Variants in ADH4 observed in about 807,000 individuals in gnomAD.
ADH4 encodes all-trans-retinol dehydrogenase [NAD(+)] ADH4.
A neutral mutation model predicts 35.2 loss-of-function variants in ADH4; 31 were observed. The observed-to-expected ratio is 0.88, with a 90% confidence interval of 0.66 to 1.19. The LOEUF is 1.19. Ranked by LOEUF, ADH4 falls within the 50% of genes most tolerant of loss-of-function variation. The pLI is 0.00. For missense variants in ADH4, 476 were observed against 458.3 expected (o/e 1.04, Z -0.35); for synonymous variants, 171 against 160.2 (o/e 1.07, Z -0.51).
chr4:99,139,022 T>C, intron 4 of ADH4, 39 bp downstream of exon 4: 2 of 1,489,830 alleles, frequency 1.3e-6, no homozygotes, highest in Non-Finnish European at 1.8e-6. Context: ...AAAATATTCA[T>C]TCAAATTTAT....
In ADH4 at chr4:99,136,512, C is replaced by G; in HGVS notation, c.536G>C (p.Gly179Ala). ...CCCATAGCCAGTTGAAAACCCACAT[C>G]CAAGCAGACAAACTCTCTCTAAATT... ...DANLERVCLL[G>A]CGFSTGYGAA... The change falls in exon 5 of 9, where the codon GGA becomes GCA. Residue 179 changes from glycine (G) to alanine (A), a missense_variant. By Grantham distance (60) the Gly-to-Ala change is moderately conservative. Coordinates refer to ENST00000265512, the MANE Select transcript of ADH4 (RefSeq NM_000670.5). 1 of 1,614,098 alleles carries G rather than the reference C, an allele frequency of 6.2e-7. No homozygotes were observed. Among genetic ancestry groups the G allele is most frequent in the Non-Finnish European group, 8.5e-7 (1 of 1,180,002 alleles).
rs574995649 is a variant in ADH4, at chr4:99,139,373, T to C, written c.263-225A>G. On this transcript the variant is annotated intron_variant, in intron 3 of 8. Coordinates refer to ENST00000265512, the MANE Select transcript of ADH4 (RefSeq NM_000670.5). ...CTCTGCTAGGCAGTCCAGCAACAAA[T>C]CTATGTTGATATCATCAGATACAGA... Among the ~76,000 whole-genome samples, 568 of 152,306 alleles carry C rather than the reference T, an allele frequency of 3.7e-3. 1 individual carries two copies. Among genetic ancestry groups the C allele is most frequent in the Non-Finnish European group, 6.1e-3 (418 of 68,010 alleles).
At chr4:99,139,703 A>G (rs1369895074) in intron 3 of ADH4, among the ~76,000 whole-genome samples, 1 of 152,172 alleles carries the variant, frequency 6.6e-6, no homozygotes, top group Non-Finnish European at 1.5e-5. Context: ...ATAACTACTT[A>G]CATGTATTAT....
At chr4:99,142,953 G>C in intron 1 of ADH4, 173 bp from the exon 2 acceptor site, 1 of 609,972 alleles carries the variant, frequency 1.6e-6, no homozygotes, top group Admixed American at 2.9e-5. Flanking sequence ...TAAAGACAAG[G>C]GATCTTAAAG....
chr4:99,139,925 T>C (rs1729558931), intron 3 of ADH4, among the ~76,000 whole-genome samples: 1 of 152,190 alleles, frequency 6.6e-6, no homozygotes, highest in South Asian at 2.1e-4. Flanking sequence ...TTGTACAATC[T>C]TTTTTGGAAT....
chr4:99,126,815 T>C (rs1729109561), intron 7 of ADH4, 83 bp from the exon 8 acceptor site: 1 of 1,365,828 alleles, frequency 7.3e-7, no homozygotes, highest in Non-Finnish European at 9.9e-7. Context: ...TGAATGAAAT[T>C]ATTAGGTCAG....
rs144207170 is a variant in ADH4, at chr4:99,139,121, G to T, written c.290C>A (p.Pro97His). ...ACAAAACTTGCATTTTCTACATAGA[G>T]GTGCATAAAGTGGAATTACTTTGTC... ...PGDKVIPLYA[P>H]LCRKCKFCLS... The change falls in exon 4 of 9, where the codon CCT becomes CAT. Residue 97 changes from proline to histidine, a missense_variant. Pro to His is a moderately conservative substitution (Grantham distance 77, BLOSUM62 -2). Transcript: ENST00000265512. The T allele has an allele frequency of 6.2e-7, 1 of 1,613,192 alleles. No homozygotes were observed. Among genetic ancestry groups the T allele is most frequent in the Admixed American group, 1.7e-5 (1 of 59,894 alleles).
intron 6 of ADH4, among the ~76,000 whole-genome samples, chr4:99,128,158 G>A (rs1012047653): frequency 1.3e-5 from 2 of 152,182 alleles, no homozygotes; most frequent in African/African-American, 4.8e-5. Flanking sequence ...ACAAGGGCCA[G>A]GCATGGTGGC....
chr4:99,126,754 A>G, intron 7 of ADH4, 22 bp from the exon 8 acceptor site: 1 of 1,570,812 alleles, frequency 6.4e-7, no homozygotes, highest in Non-Finnish European at 8.7e-7. Flanking sequence ...ACAAAATGCA[A>G]AATAAAGACA....
intron 3 of ADH4, 82 bp from the exon 4 acceptor site, chr4:99,139,230 T>C (rs1729536983): frequency 1.2e-6 from 1 of 835,600 alleles, no homozygotes; most frequent in Non-Finnish European, 1.9e-6. Context: ...AAAACACCTT[T>C]TCTTTATAGT....
chr4:99,143,112 A>G, intron 1 of ADH4: 1 of 700,924 alleles, frequency 1.4e-6, no homozygotes, highest in Non-Finnish European at 2.6e-6. Context: ...TGAATAAGGT[A>G]GATGGCCTAT....
Position 99,142,783 on chromosome 4 carries a change from G to C in ADH4, c.19-3C>G. ...ATGGCTGCTTTGCATTTAATAACCTGAAAGAGAGAAAGAAAAGGAAGAGGG... is the reference window on the plus strand; with the variant it reads ...ATGGCTGCTTTGCATTTAATAACCTCAAAGAGAGAAAGAAAAGGAAGAGGG... On this transcript the variant is annotated splice_region_variant and splice_polypyrimidine_tract_variant and intron_variant, in intron 1 of 8. Transcript: ENST00000265512. 6.3e-7 allele frequency: 1 copy of C among 1,592,376 alleles called. No individual in the cohort carries two copies. Among genetic ancestry groups the C allele is most frequent in the Non-Finnish European group, 8.5e-7 (1 of 1,170,624 alleles).
At chr4:99,133,784 G>A (rs1209664832) in intron 5 of ADH4, 1 of 152,120 alleles carries the variant, frequency 6.6e-6, no homozygotes, top group Non-Finnish European at 1.5e-5. Context: ...TAAACAAAAG[G>A]AAAACAGAAA....
chr4:99,125,271 A>G (rs1209937904), intron 8 of ADH4, among the ~76,000 whole-genome samples: 1 of 151,776 alleles, frequency 6.6e-6, no homozygotes, highest in African/African-American at 2.4e-5. Flanking sequence ...CCACCTTTCC[A>G]TCTGTGTGGG....
intron 3 of ADH4, among the ~76,000 whole-genome samples, chr4:99,139,960 C>A (rs893829531): frequency 2.0e-5 from 3 of 152,176 alleles, no homozygotes; most frequent in Non-Finnish European, 4.4e-5. Flanking sequence ...ATACCTCTAA[C>A]TTTGGAGCAT....
chr4:99,126,816 A>G, intron 7 of ADH4, 84 bp from the exon 8 acceptor site: 4 of 1,348,218 alleles, frequency 3.0e-6, no homozygotes, highest in Non-Finnish European at 4.0e-6. Flanking sequence ...GAATGAAATT[A>G]TTAGGTCAGA....
At chr4:99,142,602 C>T (rs1445477801) in intron 2 of ADH4, 77 bp downstream of exon 2, 1 of 874,748 alleles carries the variant, frequency 1.1e-6, no homozygotes, top group Non-Finnish European at 1.7e-6. Flanking sequence ...AATCATAGCA[C>T]AGAGGATTGA....
rs1729269578 is a variant in ADH4, at chr4:99,131,528, G to A, written c.819C>T (p.Asp273=). Residue 273 remains aspartate, a synonymous_variant, in exon 6 of 9, where the codon GAC becomes GAT. Transcript: ENST00000265512. ...LTKGGVDFAL[D]CAGGSETMKA... is the part of the protein sequence containing the mutation. ...CCATGGTTTCAGATCCACCTGCACAGTCAAGGGCAAAATCCACACCTCCCT... is the reference window on the plus strand; with the variant it reads ...CCATGGTTTCAGATCCACCTGCACAATCAAGGGCAAAATCCACACCTCCCT... The A allele has an allele frequency of 6.2e-7, 1 of 1,613,886 alleles. No individual in the cohort carries two copies. The highest frequency in any genetic ancestry group is 1.3e-5 in the African/African-American group (1 of 75,040).
chr4:99,124,570 T>C, intron 8 of ADH4, 104 bp from the exon 9 acceptor site: 5 of 670,382 alleles, frequency 7.5e-6, no homozygotes, highest in Non-Finnish European at 1.3e-5. Context: ...GGTCTTCCTT[T>C]ATAGACATTC....
Sources: allele counts gnomAD v4.1 joint callset (sites outside exome capture counted in the v4.1 genomes callset), GRCh38; gene constraint gnomAD v4.1.1; transcripts MANE v1.5; gene names NCBI Gene and HGNC (gene_info 2026-07-23, HGNC 2026-07-21).